Variants in NOTCH2NLC observed in about 807,000 individuals in gnomAD.
The protein encoded by NOTCH2NLC is notch 2 N-terminal like C.
In NOTCH2NLC, 4 loss-of-function variants were observed where a neutral mutation model predicts 17.7. The ratio of observed to expected loss-of-function variants is 0.23; its 90% CI spans 0.11 to 0.52. The LOEUF (loss-of-function observed/expected upper bound fraction) is 0.52. NOTCH2NLC is among the 20% of genes least tolerant of loss of function. The pLI, the probability that NOTCH2NLC is intolerant of heterozygous loss-of-function variation, is 0.96. For synonymous variants in NOTCH2NLC, 18 were observed against 86.0 expected (o/e 0.21, Z 4.38); for missense variants, 57 against 207.2 (o/e 0.28, Z 4.45).
intron 1 of NOTCH2NLC, among the ~76,000 whole-genome samples, chr1:149,423,334 G>T (rs2084389067): frequency 6.6e-6 from 1 of 150,770 alleles, no homozygotes; most frequent in Non-Finnish European, 1.5e-5. Flanking sequence ...TGTACCACTT[G>T]GGATTTGAAG....
Position 149,418,940 on chromosome 1 carries a change from C to G in NOTCH2NLC, c.136-12002C>G, listed in dbSNP as rs1227123798. On this transcript the variant is annotated intron_variant, in intron 1 of 4. Transcript: ENST00000650865. ...ATTCGCTCGCTCGCTTGCTCTTTCT[C>G]TCTTTCCCTTTTCTTTCCTTTTCTT... is the stretch of plus-strand genomic sequence containing the variant. Among the ~76,000 whole-genome samples the G allele has an allele frequency of 1.3e-5, 2 of 151,098 alleles. 1 individual carries two copies. The highest frequency in any genetic ancestry group is 4.9e-5 in the African/African-American group (2 of 41,198).
At chr1:149,392,823 G>A (rs2084178578) in intron 1 of NOTCH2NLC, among the ~76,000 whole-genome samples, 1 of 150,880 alleles carries the variant, frequency 6.6e-6, no homozygotes, top group South Asian at 2.1e-4. Context: ...TGTAATCCCA[G>A]CACTTTGGGA....
intron 1 of NOTCH2NLC, among the ~76,000 whole-genome samples, chr1:149,419,855 AT>A (rs1166865199): frequency 0.031 from 2,439 of 78,122 alleles, 23 homozygotes; most frequent in Non-Finnish European, 0.039. Flanking sequence ...ATATATATAT[AT>A]TTTTTTTTTT....
chr1:149,444,966 A>AG (rs1317229777), intron 2 of NOTCH2NLC, among the ~76,000 whole-genome samples: 1 of 149,790 alleles, frequency 6.7e-6, no homozygotes, highest in East Asian at 2.0e-4. Context: ...ATTTGAGAAA[A>AG]GGGGGGGTTG....
chr1:149,414,702 C>T lies in NOTCH2NLC; in HGVS notation c.136-16240C>T, dbSNP rs1182040608. Among the ~76,000 whole-genome samples the T allele has an allele frequency of 8.3e-4, 126 of 151,024 alleles. 3 individuals carry two copies. The highest frequency in any genetic ancestry group is 2.9e-3 in the African/African-American group (119 of 41,282). On this transcript the variant is annotated intron_variant, in intron 1 of 4. Coordinates refer to ENST00000650865, the MANE Select transcript of NOTCH2NLC (RefSeq NM_001364013.2). ...TGTTTTAAAATTTCTTCCAGTGCCCCAGTGGATGGTCTTACACCTCCCCTA... is the reference window on the plus strand; with the variant it reads ...TGTTTTAAAATTTCTTCCAGTGCCCTAGTGGATGGTCTTACACCTCCCCTA...
intron 1 of NOTCH2NLC, among the ~76,000 whole-genome samples, chr1:149,421,796 A>AACAT: frequency 4.3e-5 from 1 of 23,098 alleles, no homozygotes; most frequent in African/African-American, 2.4e-4. Context: ...TTGGACATGT[A>AACAT]AACTGTGATC....
chr1:149,400,131 TAA>T (rs1559603333), intron 1 of NOTCH2NLC, among the ~76,000 whole-genome samples: 3 of 135,002 alleles, frequency 2.2e-5, no homozygotes, highest in Non-Finnish European at 3.2e-5. Context: ...TATATATATA[TAA>T]TATATATTTT....
chr1:149,427,142 T>C (rs2084417336), intron 1 of NOTCH2NLC, among the ~76,000 whole-genome samples: 2 of 151,488 alleles, frequency 1.3e-5, no homozygotes, highest in Non-Finnish European at 3.0e-5. Context: ...TAACATTTTT[T>C]GAAATTTACT....
At chr1:149,445,308 A>C (rs1400344748) in intron 2 of NOTCH2NLC, among the ~76,000 whole-genome samples, 14 of 140,746 alleles carry the variant, frequency 9.9e-5, no homozygotes, top group Admixed American at 2.9e-4. Flanking sequence ...TTGGGAATTG[A>C]ATGTTACATA....
chr1:149,413,113 G>C (rs2084308877), intron 1 of NOTCH2NLC, among the ~76,000 whole-genome samples: 1 of 149,906 alleles, frequency 6.7e-6, no homozygotes, highest in Admixed American at 6.7e-5. Context: ...TCACCATGTT[G>C]GTCAGGCTGG....
intron 3 of NOTCH2NLC, among the ~76,000 whole-genome samples, chr1:149,460,913 T>TTCTTTCTTTCTTTCTTTCTC (rs2084645506): frequency 4.5e-4 from 51 of 114,388 alleles, no homozygotes; most frequent in East Asian, 4.4e-3. Context: ...CTTTCTTTCT[T>TTCTTTCTTTCTTTCTTTCTC]TCTCTCTCTT....
At position 149,390,705 on chromosome 1, in the gene NOTCH2NLC, C is replaced by T. The variant is rs1239900823; in HGVS notation, c.-83C>T. The stretch of plus-strand genomic sequence containing the variant: ...AGTCGAGGCATTTGCGCCTGTGCTT[C>T]GGACCGTAGCGCCAGGGCCTGAGCC... On this transcript the variant is annotated 5_prime_UTR_variant, in exon 1 of 5. Transcript: ENST00000650865. 2.1e-5 allele frequency: 26 copies of T among 1,244,994 alleles called. No homozygotes were observed. The highest frequency in any genetic ancestry group is 1.5e-4 in the South Asian group (7 of 45,604). 77.1% of individuals were successfully genotyped at this position (1,244,994 alleles called of 1,614,324 possible).
chr1:149,421,641 TGG>T (rs2084380494), intron 1 of NOTCH2NLC, among the ~76,000 whole-genome samples: 2 of 104,908 alleles, frequency 1.9e-5, no homozygotes, highest in African/African-American at 8.0e-5. Flanking sequence ...AGACAAGACA[TGG>T]AATAACACTT....
intron 2 of NOTCH2NLC, among the ~76,000 whole-genome samples, chr1:149,445,920 AAAAAAGC>A (rs1160490170): frequency 1.9e-4 from 27 of 140,090 alleles, no homozygotes; most frequent in Non-Finnish European, 3.6e-4. Context: ...AAAAAAAAAA[AAAAAAGC>A]TAAAGACAGA....
intron 2 of NOTCH2NLC, among the ~76,000 whole-genome samples, chr1:149,445,898 T>A (rs1400773633): frequency 1.1e-3 from 127 of 120,364 alleles, no homozygotes; most frequent in South Asian, 2.0e-3. Context: ...CAAATCCTCG[T>A]TTTAAAAAAA....
At chr1:149,426,022 CTG>C (rs1318850246) in intron 1 of NOTCH2NLC, among the ~76,000 whole-genome samples, 2 of 141,870 alleles carry the variant, frequency 1.4e-5, no homozygotes, top group Admixed American at 1.4e-4. Flanking sequence ...TCCCTGGCCT[CTG>C]TCCTTGCTTA....
At chr1:149,400,013 G>A (rs2084233707) in intron 1 of NOTCH2NLC, among the ~76,000 whole-genome samples, 1 of 149,206 alleles carries the variant, frequency 6.7e-6, no homozygotes, top group African/African-American at 2.5e-5. Flanking sequence ...GAAGAATCTA[G>A]AAAAGCGTAA....
rs2101521076 is a variant in NOTCH2NLC at position 149,471,480 on chromosome 1, T to C, written c.*7327T>C. On this transcript the variant is annotated 3_prime_UTR_variant, in exon 5 of 5. Transcript: ENST00000650865. ...TCTCTGATCCATTTTGAGTTAATTT[T>C]TATGTGCAAGGAGGGAGTCTAACTT... is the stretch of plus-strand genomic sequence containing the variant. Among the ~76,000 whole-genome samples the C allele has an allele frequency of 6.6e-6, 1 of 150,882 alleles. No individual in the cohort carries two copies. The highest frequency in any genetic ancestry group is 2.1e-4 in the South Asian group (1 of 4,728).
chr1:149,405,437 G>A (rs1281457528), intron 1 of NOTCH2NLC, among the ~76,000 whole-genome samples: 1 of 146,150 alleles, frequency 6.8e-6, no homozygotes, highest in Non-Finnish European at 1.5e-5. Context: ...CCTTAAAATA[G>A]ATGTTAGGAT....
Sources: allele counts gnomAD v4.1 joint callset (sites outside exome capture counted in the v4.1 genomes callset), GRCh38; gene constraint gnomAD v4.1.1; transcripts MANE v1.5; gene names NCBI Gene and HGNC (gene_info 2026-07-23, HGNC 2026-07-21).